Variants in CD28 observed in about 807,000 individuals in gnomAD.
The protein encoded by CD28 is T-cell-specific surface glycoprotein CD28.
In CD28, 8 loss-of-function variants were observed where a neutral mutation model predicts 21.4. That is an observed-to-expected ratio of 0.37 (90% CI 0.22 to 0.68). CD28 has a LOEUF of 0.68. Among genes scored for constraint, CD28 ranks in the 30% least tolerant of loss-of-function variants. The probability of loss-of-function intolerance (pLI) is 0.55; values close to 1 mark genes in which losing one functional copy is unlikely to be tolerated. For missense variants in CD28, 239 were observed against 272.2 expected (o/e 0.88, Z 0.86); for synonymous variants, 106 against 104.0 (o/e 1.02, Z -0.12).
chr2:203,735,431 T>A lies in CD28; in HGVS notation c.*519T>A, dbSNP rs1694006169. 6.5e-6 allele frequency: 1 copy of A among 154,572 alleles called. No homozygotes were observed. Among genetic ancestry groups the A allele is most frequent in the South Asian group, 2.0e-4 (1 of 4,934 alleles). 9.6% of individuals were successfully genotyped at this position (154,572 alleles called of 1,614,324 possible). ...CCATTAAAACACTGTCTCCCACTCATGAAATGAGCCACGTAGTTCCTATTT... is the reference window on the plus strand; with the variant it reads ...CCATTAAAACACTGTCTCCCACTCAAGAAATGAGCCACGTAGTTCCTATTT... On this transcript the variant is annotated 3_prime_UTR_variant, in exon 4 of 4. Transcript: ENST00000324106.
At chr2:203,714,793 C>A (rs1163782186) in intron 1 of CD28, among the ~76,000 whole-genome samples, 3 of 152,176 alleles carry the variant, frequency 2.0e-5, no homozygotes, top group Non-Finnish European at 2.9e-5. Flanking sequence ...AAATTAGAAA[C>A]CAGCCATCTC....
At chr2:203,730,041 A>C (rs1693847719) in intron 3 of CD28, among the ~76,000 whole-genome samples, 1 of 152,202 alleles carries the variant, frequency 6.6e-6, no homozygotes, top group Admixed American at 6.5e-5. Flanking sequence ...GATTAGGAGC[A>C]GTTGCCTTTC....
intron 2 of CD28, among the ~76,000 whole-genome samples, chr2:203,727,430 T>TTTCCTTCC (rs762878963): frequency 0.012 from 1,156 of 98,876 alleles, 10 homozygotes; most frequent in African/African-American, 0.021. Context: ...CCATTTTCTT[T>TTTCCTTCC]TTCCTTCCTT....
At chr2:203,730,424 C>G (rs1464990666) in intron 3 of CD28, among the ~76,000 whole-genome samples, 1 of 152,166 alleles carries the variant, frequency 6.6e-6, no homozygotes, top group Non-Finnish European at 1.5e-5. Flanking sequence ...CCTTCCTCAA[C>G]ATTGAATTTT....
At chr2:203,715,883 T>C (rs998392504) in intron 1 of CD28, among the ~76,000 whole-genome samples, 1 of 152,172 alleles carries the variant, frequency 6.6e-6, no homozygotes, top group Non-Finnish European at 1.5e-5. Context: ...TCATACCAGC[T>C]GCCACCTCCA....
intron 1 of CD28, among the ~76,000 whole-genome samples, chr2:203,713,834 T>TGA (rs879623291): frequency 1.6e-4 from 21 of 129,786 alleles, no homozygotes; most frequent in Non-Finnish European, 2.9e-4. Flanking sequence ...GTGCTGGACC[T>TGA]GAGAGAGAGA....
In CD28 at chr2:203,729,597, C is replaced by T. The variant is rs11893352; in HGVS notation, c.410-51C>T. On this transcript the variant is annotated intron_variant, in intron 2 of 3. Coordinates refer to ENST00000324106, the MANE Select transcript of CD28 (RefSeq NM_006139.4). ...TCTGATGTTCACAAGGAAGGAAATG[C>T]ACTCAATTGCTATTCCTGTATCATT... is the stretch of plus-strand genomic sequence containing the variant. The T allele has an allele frequency of 1.9e-3, 2,933 of 1,567,504 alleles. 50 individuals are homozygous for T. The African/African-American group carries it at 0.034, about 18-fold the overall frequency.
intron 1 of CD28, among the ~76,000 whole-genome samples, chr2:203,709,185 A>G (rs1447200292): frequency 6.6e-6 from 1 of 151,988 alleles, no homozygotes; most frequent in African/African-American, 2.4e-5. Context: ...TTCTCTGTAC[A>G]CACCTTCCAT....
At chr2:203,723,417 G>A (rs1693655507) in intron 1 of CD28, among the ~76,000 whole-genome samples, 1 of 151,868 alleles carries the variant, frequency 6.6e-6, no homozygotes, top group African/African-American at 2.4e-5. Flanking sequence ...ATTCTGGGTG[G>A]CAGAGGCTGC....
At chr2:203,723,166 A>C (rs1325999990) in intron 1 of CD28, among the ~76,000 whole-genome samples, 1 of 152,150 alleles carries the variant, frequency 6.6e-6, no homozygotes, top group South Asian at 2.1e-4. Context: ...AAGTGGGGGA[A>C]CTTTTAAGAT....
chr2:203,734,867 C>T lies in CD28; in HGVS notation c.618C>T (p.Tyr206=), dbSNP rs1693987648. Residue 206 remains tyrosine (Y), a synonymous_variant, in exon 4 of 4, where the codon TAC becomes TAT. Transcript: ENST00000324106. The stretch of plus-strand genomic sequence containing the variant: ...GCCCCGGGCCCACCCGCAAGCATTA[C>T]CAGCCCTATGCCCCACCACGCGACT... ...PRRPGPTRKH[Y]QPYAPPRDFA... is the part of the protein sequence containing the mutation. The T allele has an allele frequency of 1.9e-6, 3 of 1,614,114 alleles. No homozygotes were observed. The highest frequency in any genetic ancestry group is 3.3e-5 in the Admixed American group (2 of 60,010).
intron 2 of CD28, among the ~76,000 whole-genome samples, chr2:203,727,923 C>T (rs980302741): frequency 1.3e-5 from 2 of 152,272 alleles, no homozygotes; most frequent in African/African-American, 4.8e-5. Flanking sequence ...GTGACCCGCC[C>T]GTGTTGGCCT....
At chr2:203,713,490 C>T (rs1015402594) in intron 1 of CD28, among the ~76,000 whole-genome samples, 1 of 151,906 alleles carries the variant, frequency 6.6e-6, no homozygotes, top group Non-Finnish European at 1.5e-5. Context: ...TGCCACTAAG[C>T]CAATGAGGGA....
chr2:203,732,704 A>G lies in CD28; in HGVS notation c.535-2080A>G, dbSNP rs201941221. Reference sequence around the variant, plus strand: ...AGGGGTGGAGATGACACAGACACATAGGGTAGGTACTTCCTGCACACATAT... The same window carrying G: ...AGGGGTGGAGATGACACAGACACATGGGGTAGGTACTTCCTGCACACATAT... On this transcript the variant is annotated intron_variant, in intron 3 of 3. Transcript: ENST00000324106. Among the ~76,000 whole-genome samples the G allele has an allele frequency of 1.7e-4, 26 of 152,300 alleles. No individual in the cohort carries two copies. In the East Asian group the frequency reaches 5.0e-3, roughly 29 times the overall value.
chr2:203,727,885 G>A (rs1246243505), intron 2 of CD28, among the ~76,000 whole-genome samples: 1 of 152,114 alleles, frequency 6.6e-6, no homozygotes, highest in Non-Finnish European at 1.5e-5. Context: ...CACCTTGTTA[G>A]CCAGGATGGT....
chr2:203,724,162 A>G (rs1216953477), intron 1 of CD28, among the ~76,000 whole-genome samples: 1 of 152,204 alleles, frequency 6.6e-6, no homozygotes, highest in East Asian at 1.9e-4. Flanking sequence ...TCTACTTATA[A>G]AAAAAGTCCA....
chr2:203,732,262 G>A (rs1693914357), intron 3 of CD28, among the ~76,000 whole-genome samples: 2 of 152,212 alleles, frequency 1.3e-5, no homozygotes, highest in East Asian at 3.9e-4. Flanking sequence ...CGGGTTTCTG[G>A]GAGCAGCTGC....
chr2:203,709,240 T>G (rs1693248580), intron 1 of CD28, among the ~76,000 whole-genome samples: 1 of 152,208 alleles, frequency 6.6e-6, no homozygotes, highest in South Asian at 2.1e-4. Context: ...AGTGTAACTG[T>G]CCTTCCTAGG....
chr2:203,733,062 G>T (rs1430053710), intron 3 of CD28, among the ~76,000 whole-genome samples: 1 of 152,174 alleles, frequency 6.6e-6, no homozygotes, highest in African/African-American at 2.4e-5. Flanking sequence ...TACTAAAAAT[G>T]CTTCCCAGGT....
Sources: gnomAD v4.1 joint callset for allele counts (sites outside exome capture counted in the v4.1 genomes callset) on GRCh38, gnomAD v4.1.1 for gene constraint, MANE v1.5 for transcripts, NCBI Gene and HGNC (gene_info 2026-07-23, HGNC 2026-07-21) for gene names.